CCDC73: variants seen among roughly 807,000 people sequenced by gnomAD.
CCDC73 encodes coiled-coil domain-containing protein 73.
Under a neutral mutation model 116.5 loss-of-function variants are expected in CCDC73, and 95 were observed. The ratio of observed to expected loss-of-function variants is 0.82; its 90% CI spans 0.69 to 0.97. The LOEUF (loss-of-function observed/expected upper bound fraction) is 0.97. Ranked by LOEUF, CCDC73 falls within the 50% of genes least tolerant of loss-of-function variation. The probability of loss-of-function intolerance (pLI) is 0.00; values close to 1 mark genes in which losing one functional copy is unlikely to be tolerated. For synonymous variants in CCDC73, 398 were observed against 401.3 expected (o/e 0.99, Z 0.10); for missense variants, 1,066 against 1,206.8 (o/e 0.88, Z 1.73).
At chr11:32,785,412 G>C (rs1257027919) in intron 1 of CCDC73, among the ~76,000 whole-genome samples, 5 of 151,618 alleles carry the variant, frequency 3.3e-5, no homozygotes, top group Admixed American at 2.6e-4. Context: ...TTTTGTTTTT[G>C]TTTTTTTGAC....
At chr11:32,741,851 C>T (rs907614652) in intron 2 of CCDC73, among the ~76,000 whole-genome samples, 4 of 151,886 alleles carry the variant, frequency 2.6e-5, no homozygotes, top group Non-Finnish European at 4.4e-5. Context: ...ATGTTCCTCT[C>T]CCTGTGTCCA....
rs900773621 is a variant in CCDC73, at chr11:32,615,964, A to G, written c.1351T>C (p.Phe451Leu). 6.3e-7 allele frequency: 1 copy of G among 1,576,644 alleles called. No homozygotes were observed. The highest frequency in any genetic ancestry group is 1.4e-5 in the African/African-American group (1 of 73,350). ...REKEEKKEGS[F>L]IEEIIIDDLQ... is the part of the protein sequence containing the mutation. ...CCATCTATAATTATTTCCTCTATAA[A>G]TGAGCCTTCTTTTTTTTCTTCTTTT... Residue 451 changes from phenylalanine to leucine, a missense_variant, in exon 15 of 18, where the codon TTT becomes CTT. By Grantham distance (22) the Phe-to-Leu change is conservative. Transcript: ENST00000335185.
chr11:32,699,238 T>A lies in CCDC73; in HGVS notation c.390+13A>T. 6.4e-7 allele frequency: 1 copy of A among 1,571,978 alleles called. No individual in the cohort carries two copies. Among genetic ancestry groups the A allele is most frequent in the Non-Finnish European group, 8.7e-7 (1 of 1,155,308 alleles). ...ACCAAACTACTTTTTAAACAATACG[T>A]AGTTATTTTTACCTGTAGTGCTTTT... On this transcript the variant is annotated intron_variant, in intron 6 of 17. Coordinates refer to ENST00000335185, the MANE Select transcript of CCDC73 (RefSeq NM_001008391.4).
intron 2 of CCDC73, among the ~76,000 whole-genome samples, chr11:32,735,135 C>T (rs945794969): frequency 6.6e-6 from 1 of 152,194 alleles, no homozygotes; most frequent in African/African-American, 2.4e-5. Flanking sequence ...TATCTCACCA[C>T]TCCTATTCAA....
intron 2 of CCDC73, among the ~76,000 whole-genome samples, chr11:32,730,675 T>C (rs963460243): frequency 6.6e-6 from 1 of 152,226 alleles, no homozygotes; most frequent in Non-Finnish European, 1.5e-5. Flanking sequence ...ACAGAGCTTC[T>C]TGAAACTCTG....
At chr11:32,783,121 G>T (rs965569721) in intron 1 of CCDC73, among the ~76,000 whole-genome samples, 1 of 150,888 alleles carries the variant, frequency 6.6e-6, no homozygotes, top group South Asian at 2.1e-4. Context: ...TGAAATAACA[G>T]AACACTAGAG....
chr11:32,815,236 C>A, the CCDC73 span, among the ~76,000 whole-genome samples: 1 of 152,158 alleles, frequency 6.6e-6, no homozygotes, highest in African/African-American at 2.4e-5. Context: ...AAAAAGAAAG[C>A]AAGTACGTGC....
At chr11:32,692,875 A>G (rs1310528626) in intron 6 of CCDC73, among the ~76,000 whole-genome samples, 1 of 152,238 alleles carries the variant, frequency 6.6e-6, no homozygotes, top group Non-Finnish European at 1.5e-5. Flanking sequence ...CTACAGGACA[A>G]TCAGCAAAGT....
intron 1 of CCDC73, among the ~76,000 whole-genome samples, chr11:32,779,910 T>C (rs763305601): frequency 6.6e-6 from 1 of 152,138 alleles, no homozygotes; most frequent in Non-Finnish European, 1.5e-5. Context: ...AAATACAAAA[T>C]AAAAATAATC....
the CCDC73 span, among the ~76,000 whole-genome samples, chr11:32,815,090 T>C: frequency 1.3e-5 from 2 of 152,262 alleles, no homozygotes; most frequent in East Asian, 3.9e-4. Flanking sequence ...GTGACAAAAA[T>C]GTTCCGGAAT....
intron 1 of CCDC73, among the ~76,000 whole-genome samples, chr11:32,761,780 G>C (rs1850394767): frequency 6.6e-6 from 1 of 151,874 alleles, no homozygotes; most frequent in Non-Finnish European, 1.5e-5. Context: ...CACACACGCA[G>C]AGAGAGAGAG....
intron 1 of CCDC73, among the ~76,000 whole-genome samples, chr11:32,788,481 T>TTC (rs1445411751): frequency 6.6e-6 from 1 of 151,820 alleles, no homozygotes; most frequent in East Asian, 1.9e-4. Context: ...CAAATCTTTT[T>TTC]TTTTTTTTTT....
intron 13 of CCDC73, 115 bp downstream of exon 13, chr11:32,641,856 AT>A (rs1418664042): frequency 1.2e-6 from 1 of 806,800 alleles, no homozygotes; most frequent in African/African-American, 1.8e-5. Context: ...CAAGAAAAAA[AT>A]GTGTCTGATT....
the CCDC73 span, among the ~76,000 whole-genome samples, chr11:32,823,256 C>T: frequency 1.3e-5 from 2 of 152,080 alleles, no homozygotes; most frequent in Non-Finnish European, 2.9e-5. Flanking sequence ...GGTGGATCAC[C>T]TGAGGTCAGG....
chr11:32,726,831 C>A (rs542150901), intron 2 of CCDC73, among the ~76,000 whole-genome samples: 5 of 152,128 alleles, frequency 3.3e-5, no homozygotes, highest in African/African-American at 9.6e-5. Flanking sequence ...AAGAAGTATA[C>A]TTCTAAGTAG....
chr11:32,659,404 C>T (rs201848), intron 9 of CCDC73, among the ~76,000 whole-genome samples: 63,129 of 151,952 alleles, frequency 0.42, 13,444 homozygotes, highest in Middle Eastern at 0.45. Flanking sequence ...AAGTGAATGG[C>T]TGACTAAAGT....
At position 32,707,383 on chromosome 11, in the gene CCDC73, C is replaced by CT. The variant is rs777844975; in HGVS notation, c.208-4440dup. ...TTATCTTCAGTGCTACTCGAAGTTA[C>CT]TTTTTTTTTTTTTTTAACCACTATA... On this transcript the variant is annotated intron_variant, in intron 3 of 17. Coordinates refer to ENST00000335185, the MANE Select transcript of CCDC73 (RefSeq NM_001008391.4). Among the ~76,000 whole-genome samples the CT allele has an allele frequency of 3.3e-3, 463 of 140,232 alleles. 5 individuals carry two copies. Among genetic ancestry groups the CT allele is most frequent in the South Asian group, 0.018 (77 of 4,328 alleles). 92.0% of individuals were successfully genotyped at this position (140,232 alleles called of 152,430 possible).
the CCDC73 span, among the ~76,000 whole-genome samples, chr11:32,809,708 T>C: frequency 0.025 from 3,813 of 152,310 alleles, 154 homozygotes; most frequent in African/African-American, 0.087. Context: ...ATACATTTCT[T>C]TGGTTCTCGT....
At chr11:32,659,880 A>G (rs1021858592) in intron 9 of CCDC73, among the ~76,000 whole-genome samples, 2 of 152,164 alleles carry the variant, frequency 1.3e-5, no homozygotes, top group Non-Finnish European at 2.9e-5. Context: ...CAGGTATTAC[A>G]TGGCAATTGT....
Sources: gnomAD v4.1 joint callset for allele counts (sites outside exome capture counted in the v4.1 genomes callset) on GRCh38, gnomAD v4.1.1 for gene constraint, MANE v1.5 for transcripts, NCBI Gene and HGNC (gene_info 2026-07-23, HGNC 2026-07-21) for gene names.